The following RNF115 variants were observed in gnomAD, a reference collection of about 807,000 sequenced individuals.
RNF115 encodes E3 ubiquitin-protein ligase RNF115.
Under a neutral mutation model 39.2 loss-of-function variants are expected in RNF115, and 31 were observed. That is an observed-to-expected ratio of 0.79 (90% CI 0.59 to 1.07). RNF115 has a LOEUF of 1.07. Among genes scored for constraint, RNF115 ranks in the 50% least tolerant of loss-of-function variants. The pLI, the probability that RNF115 is intolerant of heterozygous loss-of-function variation, is 0.00. For missense variants in RNF115, 384 were observed against 381.7 expected (o/e 1.01, Z -0.05); for synonymous variants, 124 against 131.0 (o/e 0.95, Z 0.37).
chr1:145,798,504 C>T (rs1649083890), intron 1 of RNF115, among the ~76,000 whole-genome samples: 1 of 152,134 alleles, frequency 6.6e-6, no homozygotes, highest in Non-Finnish European at 1.5e-5. Flanking sequence ...TTTCTGGAGT[C>T]TCTATTCCAT....
In RNF115 at chr1:145,795,142, C is replaced by CCTT. The variant is rs587632097; in HGVS notation, c.103-6179_103-6177dup. On this transcript the variant is annotated intron_variant, in intron 1 of 8. Transcript: ENST00000582693. ...CTGACTTCAGGAGTGAAGCCGCAGA[C>CCTT]CTTCGCAGGGAGTGTTACAGCTCTT... Among the ~76,000 whole-genome samples the CCTT allele has an allele frequency of 1.5e-3, 228 of 152,014 alleles. 2 individuals are homozygous for CCTT. The highest frequency in any genetic ancestry group is 2.7e-3 in the Non-Finnish European group (183 of 67,996).
intron 4 of RNF115, among the ~76,000 whole-genome samples, chr1:145,754,137 T>C (rs1441716958): frequency 2.6e-5 from 4 of 152,232 alleles, no homozygotes; most frequent in African/African-American, 4.8e-5. Context: ...ACTATTCCGT[T>C]TGTTTGCTTG....
chr1:145,802,876 G>A (rs1208690186), intron 1 of RNF115, among the ~76,000 whole-genome samples: 2 of 152,172 alleles, frequency 1.3e-5, no homozygotes, highest in Non-Finnish European at 2.9e-5. Context: ...CTGATGCTAA[G>A]TCTCGTCACT....
At chr1:145,793,135 A>T (rs1373113347) in intron 1 of RNF115, among the ~76,000 whole-genome samples, 12 of 152,204 alleles carry the variant, frequency 7.9e-5, no homozygotes, top group Non-Finnish European at 1.6e-4. Flanking sequence ...CCTGGGCAAC[A>T]TAGTGAGACC....
chr1:145,804,284 A>C (rs987597784), intron 1 of RNF115, among the ~76,000 whole-genome samples: 2 of 152,214 alleles, frequency 1.3e-5, no homozygotes, highest in Non-Finnish European at 2.9e-5. Flanking sequence ...ACCATATTCT[A>C]GTAGTTAGGG....
At chr1:145,808,791 G>C (rs1649568901) in intron 1 of RNF115, among the ~76,000 whole-genome samples, 1 of 152,110 alleles carries the variant, frequency 6.6e-6, no homozygotes, top group Non-Finnish European at 1.5e-5. Context: ...ACATTTAGCA[G>C]TGACCATATT....
chr1:145,778,476 A>T (rs1188803080), intron 3 of RNF115, among the ~76,000 whole-genome samples: 1 of 152,208 alleles, frequency 6.6e-6, no homozygotes, highest in Non-Finnish European at 1.5e-5. Context: ...TGAATTACGT[A>T]GTATATGAAT....
intron 4 of RNF115, among the ~76,000 whole-genome samples, chr1:145,757,571 G>A (rs1658349529): frequency 6.6e-6 from 1 of 152,302 alleles, no homozygotes; most frequent in Non-Finnish European, 1.5e-5. Flanking sequence ...CTACAAATAT[G>A]AACTACTTTT....
At chr1:145,817,551 A>G (rs1426662244) in intron 1 of RNF115, among the ~76,000 whole-genome samples, 2 of 145,300 alleles carry the variant, frequency 1.4e-5, no homozygotes, top group African/African-American at 4.9e-5. Flanking sequence ...TATATTGACT[A>G]TAAATGGTTT....
At chr1:145,774,276 CAT>C (rs1419374201) in intron 3 of RNF115, among the ~76,000 whole-genome samples, 1 of 150,442 alleles carries the variant, frequency 6.6e-6, no homozygotes, top group African/African-American at 2.4e-5. Flanking sequence ...ACCAGCCATT[CAT>C]ATGTCTTCTC....
chr1:145,809,487 A>ACTTTTTTT (rs1649603863), intron 1 of RNF115, among the ~76,000 whole-genome samples: 1 of 25,608 alleles, frequency 3.9e-5, no homozygotes, highest in African/African-American at 2.2e-4. Context: ...AGACCCAGCT[A>ACTTTTTTT]ATTTTTTTTT....
At chr1:145,790,988 A>G (rs1478175364) in intron 1 of RNF115, among the ~76,000 whole-genome samples, 2 of 151,932 alleles carry the variant, frequency 1.3e-5, no homozygotes, top group East Asian at 3.9e-4. Context: ...CTAAAAATGT[A>G]AAATTAGCTG....
At chr1:145,767,194 G>A (rs1199405047) in intron 4 of RNF115, among the ~76,000 whole-genome samples, 2 of 151,678 alleles carry the variant, frequency 1.3e-5, no homozygotes, top group Non-Finnish European at 2.9e-5. Context: ...CTGCCGGGCG[G>A]AGACGCTCCT....
intron 7 of RNF115, among the ~76,000 whole-genome samples, chr1:145,748,454 AATGTGTGACAGCCCTCTGGC>A (rs1436780234): frequency 6.6e-6 from 1 of 152,156 alleles, no homozygotes; most frequent in African/African-American, 2.4e-5. Context: ...ACATCTTCCC[AATGTGTGACAGCCCTCTGGC>A]AGTCAGTTGC....
chr1:145,753,098 C>T (rs1553712748), intron 4 of RNF115, 49 bp from the exon 5 acceptor site: 11 of 1,254,814 alleles, frequency 8.8e-6, no homozygotes, highest in African/African-American at 3.0e-5. Context: ...ATGAAAAGTA[C>T]TCTACAGATA....
chr1:145,787,052 C>T, intron 2 of RNF115: 1 of 1,278,168 alleles, frequency 7.8e-7, no homozygotes, highest in Non-Finnish European at 1.0e-6. Context: ...AAGGGACCTT[C>T]AACTTTAGAT....
chr1:145,747,892 G>C, intron 8 of RNF115, 103 bp downstream of exon 8: 1 of 822,968 alleles, frequency 1.2e-6, no homozygotes, highest in East Asian at 2.5e-5. Flanking sequence ...AGTAAGCCAG[G>C]GATTTATGGG....
intron 2 of RNF115, among the ~76,000 whole-genome samples, chr1:145,788,338 T>C (rs1648486562): frequency 6.6e-6 from 1 of 152,138 alleles, no homozygotes; most frequent in Non-Finnish European, 1.5e-5. Context: ...CACCTCAGCC[T>C]CCCAAAGTGT....
chr1:145,794,206 A>G (rs1157744496), intron 1 of RNF115, among the ~76,000 whole-genome samples: 1 of 152,180 alleles, frequency 6.6e-6, no homozygotes, highest in East Asian at 1.9e-4. Context: ...TCTGAAATCA[A>G]AAAAGAACCA....
Sources: gnomAD v4.1 joint callset for allele counts (sites outside exome capture counted in the v4.1 genomes callset) on GRCh38, gnomAD v4.1.1 for gene constraint, MANE v1.5 for transcripts, NCBI Gene and HGNC (gene_info 2026-07-23, HGNC 2026-07-21) for gene names.